Variants in LTBR observed in about 807,000 individuals in gnomAD.
LTBR encodes the protein lymphotoxin beta receptor, also known as tumor necrosis factor receptor superfamily member 3.
In LTBR, 15 loss-of-function variants were observed where a neutral mutation model predicts 45.4. The ratio of observed to expected loss-of-function variants is 0.33; its 90% CI spans 0.22 to 0.51. The LOEUF is 0.51. Among genes scored for constraint, LTBR ranks in the 20% least tolerant of loss-of-function variants. The pLI, the probability that LTBR is intolerant of heterozygous loss-of-function variation, is 0.97. For missense variants in LTBR, 450 were observed against 565.5 expected, an observed-to-expected ratio of 0.80 and a Z score of 2.07; for synonymous variants, 228 against 231.0, an observed-to-expected ratio of 0.99 and a Z score of 0.12.
At position 6,386,075 on chromosome 12, in the gene LTBR, G is replaced by A; in HGVS notation, c.482G>A (p.Gly161Glu). ...GTEAELKDEV[G>E]KGNNHCVPCK... ...GCCTTTCTCTTGCCAGATGAAGTTGGGAAGGGTAACAACCACTGCGTCCCC... is the reference window on the plus strand; with the variant it reads ...GCCTTTCTCTTGCCAGATGAAGTTGAGAAGGGTAACAACCACTGCGTCCCC... Residue 161 changes from glycine (G) to glutamate (E), a missense_variant, in exon 5 of 10, where the codon GGG becomes GAG. By Grantham distance (98) the Gly-to-Glu change is moderately conservative. Around this residue, in one of 3 missense-constraint regions of LTBR, gnomAD observed 367 missense variants for 435.4 expected, o/e 0.84. Transcript: ENST00000228918. This position sits in a 1 kb window ranked among gnomAD's most constrained non-coding sequence, Gnocchi z 4.1. The A allele has an allele frequency of 1.2e-6, 2 of 1,613,398 alleles. No homozygotes were observed. The highest frequency in any genetic ancestry group is 1.7e-6 in the Non-Finnish European group (2 of 1,179,438).
chr12:6,375,277 C>A, upstream of LTBR: 2 of 1,439,760 alleles, frequency 1.4e-6, no homozygotes, highest in Non-Finnish European at 1.8e-6. Flanking sequence ...TCTCTCTAAT[C>A]CTGCCTCTCT....
Position 6,384,329 on chromosome 12 carries a change from C to T in LTBR, c.-30C>T. On this transcript the variant is annotated 5_prime_UTR_variant, in exon 1 of 10. It adds an upstream start codon to the 5' untranslated region. Coordinates refer to ENST00000228918, the MANE Select transcript of LTBR (RefSeq NM_002342.3). ...CTCCTGCCTTCCTCCCAGGCCCCCA[C>T]GTTGCTGGCCGCCTGGCCGAGTGGC... The T allele has an allele frequency of 6.8e-7, 1 of 1,461,914 alleles. No homozygotes were observed. The highest frequency in any genetic ancestry group is 2.5e-4 in the Middle Eastern group (1 of 4,048). 90.6% of individuals were successfully genotyped at this position (1,461,914 alleles called of 1,614,324 possible). A position where few individuals can be genotyped will look rare whatever the true frequency, so the allele number is the denominator to read the frequency against.
At chr12:6,389,940 G>C (rs144153408) in intron 8 of LTBR, 172 bp from the exon 9 acceptor site, 1 of 605,694 alleles carries the variant, frequency 1.7e-6, no homozygotes, top group East Asian at 2.8e-5. Context: ...CTGGGTGACA[G>C]ACCCTGACCC....
intron 1 of LTBR, chr12:6,377,272 C>T: frequency 1.9e-6 from 3 of 1,550,828 alleles, no homozygotes; most frequent in Non-Finnish European, 2.6e-6. Flanking sequence ...CTCATGATAC[C>T]TCCCCTTGGA....
At position 6,390,778 on chromosome 12, in the gene LTBR, A is replaced by G. The variant is rs1949104363; in HGVS notation, c.1149A>G (p.Glu383=). 2 of 1,595,210 alleles carry G rather than the reference A, an allele frequency of 1.3e-6. No homozygotes were observed. Among genetic ancestry groups the G allele is most frequent in the Non-Finnish European group, 1.7e-6 (2 of 1,170,904 alleles). ...CTGGAGACCTCCCAGCTACCCCCGAACCTCCATACCCCATTCCCGAAGAGG... is the reference window on the plus strand; with the variant it reads ...CTGGAGACCTCCCAGCTACCCCCGAGCCTCCATACCCCATTCCCGAAGAGG... The part of the protein sequence containing the change: ...PGPGDLPATP[E]PPYPIPEEGD... Residue 383 remains glutamate, a synonymous_variant, in exon 10 of 10, where the codon GAA becomes GAG. Coordinates refer to ENST00000228918, the MANE Select transcript of LTBR (RefSeq NM_002342.3).
chr12:6,375,587 A>G (rs1251194789), exon 1 of LTBR: 1 of 1,402,618 alleles, frequency 7.1e-7, no homozygotes, highest in Middle Eastern at 1.9e-4. Context: ...TTAGCATCTC[A>G]ATTAAAGGTG....
In LTBR at chr12:6,391,346, T is replaced by C. The variant is rs1949111895; in HGVS notation, c.*409T>C. Reference sequence around the variant, plus strand: ...CTCATCCCCAAGCTTCAGAGACCCTTTGGGGTTCCACACTTCACGTGGACT... The same window carrying C: ...CTCATCCCCAAGCTTCAGAGACCCTCTGGGGTTCCACACTTCACGTGGACT... On this transcript the variant is annotated 3_prime_UTR_variant, in exon 10 of 10. Transcript: ENST00000228918. 1 of 159,966 alleles carries C rather than the reference T, an allele frequency of 6.3e-6. No individual in the cohort carries two copies. The highest frequency in any genetic ancestry group is 1.4e-5 in the Non-Finnish European group (1 of 73,542). The allele number at this position is 159,966 out of a possible 1,614,324, so 9.9% of individuals were successfully genotyped here.
chr12:6,389,802 CAAAAAAA>C, intron 8 of LTBR: 3 of 101,378 alleles, frequency 3.0e-5, no homozygotes, highest in East Asian at 3.7e-4. Flanking sequence ...GACTCTGTCT[CAAAAAAA>C]AAAAAAAAAA....
intron 1 of LTBR, 28 bp from the exon 2 acceptor site, chr12:6,384,560 C>G (rs372571250): frequency 6.2e-7 from 1 of 1,611,368 alleles, no homozygotes; most frequent in African/African-American, 1.3e-5. Flanking sequence ...ACTAATTCTT[C>G]TCTCCTCTTC....
chr12:6,377,293 G>A, intron 1 of LTBR: 1 of 1,548,154 alleles, frequency 6.5e-7, no homozygotes, highest in Non-Finnish European at 8.7e-7. Context: ...AGGGACAGCT[G>A]GATTTTTCTT....
At chr12:6,381,983 A>G (rs570330991), upstream of LTBR, among the ~76,000 whole-genome samples, 1 of 152,352 alleles carries the variant, frequency 6.6e-6, no homozygotes, top group South Asian at 2.1e-4. Context: ...AAAGGAAAAG[A>G]GAAAAGAAGA....
upstream of LTBR, among the ~76,000 whole-genome samples, chr12:6,379,827 G>T (rs555600838): frequency 6.6e-6 from 1 of 151,960 alleles, no homozygotes; most frequent in South Asian, 2.1e-4. Flanking sequence ...CAGCTACTCG[G>T]GAGGCTGAGG....
upstream of LTBR, among the ~76,000 whole-genome samples, chr12:6,383,514 A>C (rs1386818180): frequency 6.6e-6 from 1 of 152,136 alleles, no homozygotes; most frequent in Non-Finnish European, 1.5e-5. Flanking sequence ...TGCTGGCCCC[A>C]GGACTCCCCT....
intron 9 of LTBR, 31 bp downstream of exon 9, chr12:6,390,371 G>C: frequency 6.5e-7 from 1 of 1,529,634 alleles, no homozygotes; most frequent in South Asian, 1.2e-5. Context: ...AGAGAGGAAG[G>C]ATGGGGAGGG....
At position 6,386,549 on chromosome 12, in the gene LTBR, A is replaced by C; in HGVS notation, c.667+105A>C. On this transcript the variant is annotated intron_variant, in intron 6 of 9. Coordinates refer to ENST00000228918, the MANE Select transcript of LTBR (RefSeq NM_002342.3). This position sits in a 1 kb window ranked among gnomAD's most constrained non-coding sequence, Gnocchi z 4.1. ...AAAAGATGAACACTTCCCTCCCAGA[A>C]TTGGGCAAGAAGAAAGTTCCTTACA... 1 of 863,216 alleles carries C rather than the reference A, an allele frequency of 1.2e-6. No individual in the cohort carries two copies. Among genetic ancestry groups the C allele is most frequent in the Non-Finnish European group, 1.8e-6 (1 of 544,658 alleles). The allele number at this position is 863,216 out of a possible 1,614,324, so 53.5% of individuals were successfully genotyped here. A position where few individuals can be genotyped will look rare whatever the true frequency, so the allele number is the denominator to read the frequency against.
chr12:6,386,144 G>T lies in LTBR; in HGVS notation c.551G>T (p.Arg184Leu). Residue 184 changes from arginine (R) to leucine (L), a missense_variant, in exon 5 of 10, where the codon CGC becomes CTC. By Grantham distance (102) the Arg-to-Leu change is moderately radical. Around this residue, in one of 3 missense-constraint regions of LTBR, gnomAD observed 367 missense variants for 435.4 expected, o/e 0.84. Transcript: ENST00000228918. This position sits in a 1 kb window ranked among gnomAD's most constrained non-coding sequence, Gnocchi z 4.1. ...HFQNTSSPSA[R>L]CQPHTRCENQ... ...CAGAATACCTCCTCCCCCAGCGCCC[G>T]CTGCCAGCCCCACACCAGGTGAGTG... The T allele has an allele frequency of 6.2e-7, 1 of 1,613,326 alleles. No homozygotes were observed. Among genetic ancestry groups the T allele is most frequent in the Non-Finnish European group, 8.5e-7 (1 of 1,179,580 alleles).
At chr12:6,390,598 A>C (rs1261732374) in intron 9 of LTBR, 62 bp from the exon 10 acceptor site, 14 of 1,473,064 alleles carry the variant, frequency 9.5e-6, no homozygotes, top group Non-Finnish European at 1.2e-5. Flanking sequence ...GCAAGAATTC[A>C]AGAAGCAGCG....
rs1949103688 is a variant in LTBR at position 6,390,733 on chromosome 12, A to G, written c.1104A>G (p.Val368=). ...ACATCTACATCTACAATGGACCAGT[A>G]CTGGGGGGACCACCGGGTCCTGGAG... ...TGNIYIYNGP[V]LGGPPGPGDL... The change falls in exon 10 of 10, where the codon GTA becomes GTG. Residue 368 remains valine (V), a synonymous_variant. Coordinates refer to ENST00000228918, the MANE Select transcript of LTBR (RefSeq NM_002342.3). 6.4e-7 allele frequency: 1 copy of G among 1,553,636 alleles called. No individual in the cohort carries two copies. The highest frequency in any genetic ancestry group is 8.7e-7 in the Non-Finnish European group (1 of 1,151,854).
intron 8 of LTBR, chr12:6,389,556 C>T (rs1180912093): frequency 6.4e-6 from 1 of 155,480 alleles, no homozygotes. Context: ...AATCCCAGTA[C>T]TTTGGGAGGC....
Sources: gnomAD v4.1 joint callset for allele counts (sites outside exome capture counted in the v4.1 genomes callset) on GRCh38, gnomAD v4.1.1 for gene constraint, gnomAD v4.1.1 regional missense constraint, Gnocchi (gnomAD v3.1) non-coding constraint, MANE v1.5 for transcripts, NCBI Gene and HGNC (gene_info 2026-07-23, HGNC 2026-07-21) for gene names.